Variants in KHDC1 observed in about 807,000 individuals in gnomAD.
KHDC1 encodes KH domain containing 1.
In KHDC1, 21 loss-of-function variants were observed where a neutral mutation model predicts 24.7. The ratio of observed to expected loss-of-function variants is 0.85; its 90% CI spans 0.60 to 1.23. The LOEUF (loss-of-function observed/expected upper bound fraction) is 1.23. Ranked by LOEUF, KHDC1 falls within the 50% of genes most tolerant of loss-of-function variation. The pLI, the probability that KHDC1 is intolerant of heterozygous loss-of-function variation, is 0.00. For missense variants in KHDC1, 274 were observed against 298.5 expected, an observed-to-expected ratio of 0.92 and a Z score of 0.61; for synonymous variants, 98 against 111.7, an observed-to-expected ratio of 0.88 and a Z score of 0.77.
At chr6:73,261,054 T>A (rs1267264671) in intron 2 of KHDC1, among the ~76,000 whole-genome samples, 1 of 152,228 alleles carries the variant, frequency 6.6e-6, no homozygotes, top group Non-Finnish European at 1.5e-5. Flanking sequence ...GAAGAGTAAT[T>A]ACCTTGCAAA....
At chr6:73,247,133 A>G (rs1562244962) in intron 2 of KHDC1, among the ~76,000 whole-genome samples, 1 of 151,980 alleles carries the variant, frequency 6.6e-6, no homozygotes. Context: ...ATGAACCACC[A>G]TGCCCAGCTA....
intron 1 of KHDC1, among the ~76,000 whole-genome samples, chr6:73,305,712 T>C (rs1336234172): frequency 6.6e-6 from 1 of 152,200 alleles, no homozygotes; most frequent in Non-Finnish European, 1.5e-5. Flanking sequence ...CAGGCTGGAG[T>C]GCAGTGGCAC....
chr6:73,264,685 T>C (rs1767050650), intron 2 of KHDC1, among the ~76,000 whole-genome samples: 1 of 152,164 alleles, frequency 6.6e-6, no homozygotes, highest in Admixed American at 6.5e-5. Context: ...AGTCATGTGG[T>C]ATCATAGGCC....
chr6:73,309,320 A>G (rs946121552), intron 1 of KHDC1, among the ~76,000 whole-genome samples: 4 of 152,140 alleles, frequency 2.6e-5, no homozygotes, highest in Admixed American at 6.5e-5. Context: ...TAGATTTTCC[A>G]CCTTTGGTTG....
At chr6:73,242,352 G>A (rs1183753024) in intron 3 of KHDC1, 54 bp downstream of exon 2, 16 of 1,612,498 alleles carry the variant, frequency 9.9e-6, no homozygotes, top group Non-Finnish European at 1.3e-5. Context: ...GAGAGGAAGA[G>A]TGAAAACTGA....
At chr6:73,252,198 A>G (rs1766789569) in intron 2 of KHDC1, among the ~76,000 whole-genome samples, 1 of 151,862 alleles carries the variant, frequency 6.6e-6, no homozygotes, top group African/African-American at 2.4e-5. Context: ...CTGAGCCACC[A>G]TACCCAGCTA....
chr6:73,299,716 G>A lies in KHDC1; in HGVS notation c.164-7676C>T, dbSNP rs116832926. ...GCGCTGTTGGACACGCCAGCCTCCC[G>A]ACCCTGCGGCTCCTACGGGAGGTGA... On this transcript the variant is annotated intron_variant, in intron 1 of 4. Transcript: ENST00000370384. 1,235 of 153,268 alleles carry A rather than the reference G, an allele frequency of 8.1e-3. 18 individuals carry two copies. The highest frequency in any genetic ancestry group is 0.028 in the African/African-American group (1,161 of 41,600). 9.5% of individuals were successfully genotyped at this position (153,268 alleles called of 1,614,324 possible).
intron 2 of KHDC1, among the ~76,000 whole-genome samples, chr6:73,254,469 AATAAATAAATAAATAAATAAAT>A (rs1178528638): frequency 7.7e-5 from 2 of 26,008 alleles, no homozygotes; most frequent in African/African-American, 2.0e-4. Context: ...TTAAAATAAA[AATAAATAAATAAATAAATAAAT>A]AAATAAATAA....
At chr6:73,293,526 T>TC (rs1225861941) in intron 1 of KHDC1, among the ~76,000 whole-genome samples, 1 of 152,176 alleles carries the variant, frequency 6.6e-6, no homozygotes, top group African/African-American at 2.4e-5. Context: ...ACGCCCATGA[T>TC]CCCCGCACTT....
intron 2 of KHDC1, chr6:73,267,961 C>G (rs371234025): frequency 1.3e-5 from 2 of 152,392 alleles, no homozygotes; most frequent in East Asian, 3.9e-4. Context: ...CTCAACCCCC[C>G]GAGTAGCTGG....
intron 2 of KHDC1, among the ~76,000 whole-genome samples, chr6:73,291,753 C>T: frequency 7.0e-6 from 1 of 143,194 alleles, no homozygotes; most frequent in South Asian, 2.2e-4. Flanking sequence ...TTTAATTAAT[C>T]TTTGGGGGAA....
At chr6:73,286,802 G>A (rs1418557020) in intron 2 of KHDC1, among the ~76,000 whole-genome samples, 1 of 151,142 alleles carries the variant, frequency 6.6e-6, no homozygotes, top group East Asian at 1.9e-4. Context: ...AGAATCACTT[G>A]AACCTGAGAG....
At chr6:73,274,867 A>G (rs1767251591) in intron 2 of KHDC1, 1 of 152,458 alleles carries the variant, frequency 6.6e-6, no homozygotes, top group Non-Finnish European at 1.5e-5. Context: ...TGCGAGCGCC[A>G]CCTGGACTGG....
intron 2 of KHDC1, among the ~76,000 whole-genome samples, chr6:73,280,789 G>T (rs531639889): frequency 3.8e-4 from 57 of 151,750 alleles, no homozygotes; most frequent in Non-Finnish European, 6.6e-4. Context: ...CAAAGTGCTG[G>T]GATTACAGGT....
At chr6:73,299,077 G>A (rs1767815226) in intron 1 of KHDC1, 1 of 152,230 alleles carries the variant, frequency 6.6e-6, no homozygotes, top group South Asian at 2.1e-4. Flanking sequence ...GCTGGTGTCA[G>A]ACCTATTGGG....
intron 2 of KHDC1, among the ~76,000 whole-genome samples, chr6:73,290,200 C>A (rs1767620104): frequency 6.6e-6 from 1 of 151,640 alleles, no homozygotes; most frequent in South Asian, 2.1e-4. Context: ...TCGCTTGAAC[C>A]CGGGAGGCAG....
intron 2 of KHDC1, among the ~76,000 whole-genome samples, chr6:73,289,369 C>T (rs1027899090): frequency 1.6e-4 from 19 of 119,604 alleles, no homozygotes; most frequent in Admixed American, 2.7e-4. Context: ...AGAATAAAAT[C>T]TGGGCCAACT....
intron 2 of KHDC1, among the ~76,000 whole-genome samples, chr6:73,271,086 G>A (rs1028778164): frequency 2.6e-5 from 4 of 152,150 alleles, no homozygotes; most frequent in African/African-American, 4.8e-5. Context: ...ACCCATTAGA[G>A]AATGGTGAAA....
At chr6:73,292,762 G>A in intron 1 of KHDC1, 1 of 725,428 alleles carries the variant, frequency 1.4e-6, no homozygotes, top group Admixed American at 1.8e-5. Context: ...GTTGGCAGGT[G>A]CTAAAAGATC....
Sources: gnomAD v4.1 joint callset for allele counts (sites outside exome capture counted in the v4.1 genomes callset) on GRCh38, gnomAD v4.1.1 for gene constraint, MANE v1.5 for transcripts, NCBI Gene and HGNC (gene_info 2026-07-23, HGNC 2026-07-21) for gene names.